The following PCDH9 variants were observed in gnomAD, a reference collection of about 807,000 sequenced individuals.
PCDH9 encodes the protein protocadherin 9, also known as protocadherin-9.
A neutral mutation model predicts 70.6 loss-of-function variants in PCDH9; 24 were observed. The ratio of observed to expected loss-of-function variants is 0.34; its 90% CI spans 0.25 to 0.48. The LOEUF (loss-of-function observed/expected upper bound fraction) is 0.48, where lower values mean the gene tolerates loss of function less well. Among genes scored for constraint, PCDH9 ranks in the 20% least tolerant of loss-of-function variants. The probability of loss-of-function intolerance (pLI) is 0.99; values close to 1 mark genes in which losing one functional copy is unlikely to be tolerated. For synonymous variants in PCDH9, 562 were observed against 558.5 expected (o/e 1.01, Z -0.09); for missense variants, 1,281 against 1,503.6 (o/e 0.85, Z 2.45).
At chr13:67,170,854 G>T (rs2088264346) in intron 2 of PCDH9, among the ~76,000 whole-genome samples, 1 of 152,146 alleles carries the variant, frequency 6.6e-6, no homozygotes, top group Non-Finnish European at 1.5e-5. Flanking sequence ...GAACCCAGGA[G>T]GTGGAGGTTG....
At chr13:67,174,355 G>T (rs1031602574) in intron 2 of PCDH9, among the ~76,000 whole-genome samples, 2 of 144,596 alleles carry the variant, frequency 1.4e-5, no homozygotes, top group Non-Finnish European at 3.1e-5. Context: ...ACAGACGAAG[G>T]GAGGGAAGAA....
At chr13:67,145,505 A>T (rs749347021) in intron 2 of PCDH9, among the ~76,000 whole-genome samples, 1 of 152,052 alleles carries the variant, frequency 6.6e-6, no homozygotes, top group Non-Finnish European at 1.5e-5. Flanking sequence ...GAGACTATTC[A>T]TGCTTAATAG....
intron 4 of PCDH9, among the ~76,000 whole-genome samples, chr13:66,425,203 ATCTC>A (rs1028725391): frequency 6.6e-6 from 1 of 151,492 alleles, no homozygotes; most frequent in Non-Finnish European, 1.5e-5. Context: ...ATAACATTTG[ATCTC>A]TCTCTCTCTA....
intron 2 of PCDH9, among the ~76,000 whole-genome samples, chr13:67,042,683 C>T (rs2085144770): frequency 6.6e-6 from 1 of 152,080 alleles, no homozygotes; most frequent in Non-Finnish European, 1.5e-5. Context: ...ACAAATATTG[C>T]TTGTCTATTA....
chr13:66,496,119 C>A (rs1959112686), intron 4 of PCDH9, among the ~76,000 whole-genome samples: 1 of 152,118 alleles, frequency 6.6e-6, no homozygotes, highest in Non-Finnish European at 1.5e-5. Context: ...TATTCATTTC[C>A]CCCGATTAGG....
intron 4 of PCDH9, among the ~76,000 whole-genome samples, chr13:66,368,044 T>G (rs1334902781): frequency 2.0e-5 from 3 of 152,090 alleles, no homozygotes; most frequent in Non-Finnish European, 4.4e-5. Flanking sequence ...AAGTGAGGAC[T>G]TTGATAAAAA....
intron 3 of PCDH9, among the ~76,000 whole-genome samples, chr13:66,763,590 T>C (rs995939324): frequency 1.3e-5 from 2 of 151,928 alleles, no homozygotes; most frequent in African/African-American, 4.8e-5. Flanking sequence ...CCACAGTAAG[T>C]AGAGAGGAAT....
rs138663456 is a variant in PCDH9, at chr13:66,341,453, AC to A, written c.3341-36426del. 6.0e-3 allele frequency among the ~76,000 whole-genome samples: 917 copies of A among 152,244 alleles called. 8 individuals carry two copies. The highest frequency in any genetic ancestry group is 0.021 in the African/African-American group (874 of 41,554). On this transcript the variant is annotated intron_variant, in intron 4 of 4. Transcript: ENST00000377865. ...GCTGCTCTAGGTTTTGGCTATGCAA[AC>A]TGTGCCACAAGGAGCTGTGGCAGCG...
At chr13:66,856,301 G>A (rs555860512) in intron 3 of PCDH9, among the ~76,000 whole-genome samples, 1 of 152,118 alleles carries the variant, frequency 6.6e-6, no homozygotes, top group African/African-American at 2.4e-5. Context: ...AAGGGGCTAT[G>A]AGAAAGTTGC....
intron 2 of PCDH9, among the ~76,000 whole-genome samples, chr13:66,972,757 A>G (rs536275483): frequency 5.3e-4 from 80 of 152,118 alleles, no homozygotes; most frequent in African/African-American, 1.9e-3. Flanking sequence ...TCTCCATTAC[A>G]TTGATACAGA....
intron 2 of PCDH9, chr13:67,210,204 C>A (rs2089440127): frequency 6.6e-6 from 1 of 151,932 alleles, no homozygotes; most frequent in Non-Finnish European, 1.5e-5. Context: ...GTTTTCCAAT[C>A]AAATAATAAA....
At chr13:66,558,676 A>G (rs549716953) in intron 4 of PCDH9, among the ~76,000 whole-genome samples, 28 of 152,036 alleles carry the variant, frequency 1.8e-4, no homozygotes, top group African/African-American at 6.7e-4. Flanking sequence ...CAGAGCCTCA[A>G]GCAGAGAGGG....
intron 4 of PCDH9, among the ~76,000 whole-genome samples, chr13:66,613,702 C>A (rs1309017644): frequency 1.3e-5 from 2 of 151,874 alleles, no homozygotes; most frequent in South Asian, 2.1e-4. Context: ...TTCCACCCAG[C>A]GACTGGGTTT....
At chr13:67,064,711 G>T (rs955213488) in intron 2 of PCDH9, among the ~76,000 whole-genome samples, 2 of 152,064 alleles carry the variant, frequency 1.3e-5, no homozygotes, top group Non-Finnish European at 2.9e-5. Flanking sequence ...TATTTCTTCT[G>T]CAGTTCTGGA....
intron 3 of PCDH9, among the ~76,000 whole-genome samples, chr13:66,872,185 T>C (rs2081704894): frequency 6.6e-6 from 1 of 152,168 alleles, no homozygotes; most frequent in African/African-American, 2.4e-5. Context: ...TGATATATTG[T>C]AGATCTTTGA....
intron 2 of PCDH9, among the ~76,000 whole-genome samples, chr13:67,147,485 T>G (rs2087551212): frequency 6.6e-6 from 1 of 152,176 alleles, no homozygotes; most frequent in Non-Finnish European, 1.5e-5. Context: ...AGCTCTCCTG[T>G]TCAGGCAGCC....
At chr13:66,500,707 A>G (rs947758082) in intron 4 of PCDH9, among the ~76,000 whole-genome samples, 2 of 152,146 alleles carry the variant, frequency 1.3e-5, no homozygotes, top group African/African-American at 4.8e-5. Context: ...TTCACTTACA[A>G]GAAAGCCTAC....
At chr13:66,636,855 T>C (rs962315895) in intron 3 of PCDH9, among the ~76,000 whole-genome samples, 4 of 152,092 alleles carry the variant, frequency 2.6e-5, no homozygotes, top group South Asian at 2.1e-4. Flanking sequence ...TATTCAAACA[T>C]GTTTTTGCTA....
chr13:66,642,152 C>A (rs763124678), intron 3 of PCDH9, among the ~76,000 whole-genome samples: 9 of 151,884 alleles, frequency 5.9e-5, no homozygotes, highest in Non-Finnish European at 8.8e-5. Flanking sequence ...TACAAACATG[C>A]TATATGTGTC....
Sources: allele counts gnomAD v4.1 joint callset (sites outside exome capture counted in the v4.1 genomes callset), GRCh38; gene constraint gnomAD v4.1.1; transcripts MANE v1.5; gene names NCBI Gene and HGNC (gene_info 2026-07-23, HGNC 2026-07-21).